The following VPS13B variants were observed in gnomAD, a reference collection of about 807,000 sequenced individuals.
VPS13B encodes vacuolar protein sorting 13 homolog B.
Under a neutral mutation model 426.4 loss-of-function variants are expected in VPS13B, and 285 were observed. That is an observed-to-expected ratio of 0.67 (90% CI 0.61 to 0.74). VPS13B has a LOEUF of 0.74. Among genes scored for constraint, VPS13B ranks in the 30% least tolerant of loss-of-function variants. VPS13B has a pLI of 0.00. For missense variants in VPS13B, 4,537 were observed against 4,782.6 expected (o/e 0.95, Z 1.51); for synonymous variants, 1,676 against 1,676.4 (o/e 1.00, Z 0.01).
At chr8:99,247,105 G>A (rs1343484706) in intron 17 of VPS13B, among the ~76,000 whole-genome samples, 1 of 152,094 alleles carries the variant, frequency 6.6e-6, no homozygotes, top group Non-Finnish European at 1.5e-5. Flanking sequence ...ATTGACTCTA[G>A]TTATTGGCCT....
intron 19 of VPS13B, among the ~76,000 whole-genome samples, chr8:99,328,294 C>T (rs886475575): frequency 6.6e-6 from 1 of 152,106 alleles, no homozygotes; most frequent in African/African-American, 2.4e-5. Context: ...AAAACCTGTC[C>T]CTGGTACCAA....
intron 31 of VPS13B, among the ~76,000 whole-genome samples, chr8:99,572,872 C>T (rs1378304721): frequency 8.5e-5 from 13 of 152,140 alleles, no homozygotes; most frequent in East Asian, 3.8e-4. Context: ...CTTGAGGAAT[C>T]GCCACACTGT....
At chr8:99,738,800 T>A (rs1009389707) in intron 39 of VPS13B, among the ~76,000 whole-genome samples, 3 of 152,216 alleles carry the variant, frequency 2.0e-5, no homozygotes, top group African/African-American at 4.8e-5. Flanking sequence ...TTAGTGCTAG[T>A]GCTATCATCT....
At chr8:99,297,422 A>G (rs1820101370) in intron 19 of VPS13B, among the ~76,000 whole-genome samples, 2 of 152,254 alleles carry the variant, frequency 1.3e-5, no homozygotes, top group South Asian at 2.1e-4. Context: ...CTTGTCAGCT[A>G]TTTTCTTATT....
At chr8:99,579,822 C>T (rs973968868) in intron 33 of VPS13B, among the ~76,000 whole-genome samples, 3 of 151,844 alleles carry the variant, frequency 2.0e-5, no homozygotes, top group Non-Finnish European at 2.9e-5. Flanking sequence ...CTCAGCGTCC[C>T]GGGTTGCTGG....
chr8:99,642,244 G>A lies in VPS13B; in HGVS notation c.5654G>A (p.Gly1885Glu), dbSNP rs755804596. 1.9e-6 allele frequency: 3 copies of A among 1,613,836 alleles called. No homozygotes were observed. Among genetic ancestry groups the A allele is most frequent in the Non-Finnish European group, 2.5e-6 (3 of 1,179,912 alleles). Residue 1885 changes from glycine to glutamate, a missense_variant, in exon 34 of 62, where the codon GGG becomes GAG. Around this residue, in one of 2 missense-constraint regions of VPS13B, gnomAD observed 4,311 missense variants for 4,474.3 expected, o/e 0.96. Transcript: ENST00000357162. ...AGGAGCAGCATTTCTTTTCCTTCAGGGAAAAAAATAGGGGTCCTCTCTCTT... is the reference window on the plus strand; with the variant it reads ...AGGAGCAGCATTTCTTTTCCTTCAGAGAAAAAAATAGGGGTCCTCTCTCTT... The part of the protein sequence containing the change: ...LLRSSISFPS[G>E]KKIGVLSLES...
intron 16 of VPS13B, among the ~76,000 whole-genome samples, chr8:99,188,272 C>T (rs1813335938): frequency 6.6e-6 from 1 of 151,778 alleles, no homozygotes; most frequent in African/African-American, 2.4e-5. Flanking sequence ...TTTTCAAAAC[C>T]TCAAAAAAGA....
chr8:99,262,401 T>C (rs1818089430), intron 17 of VPS13B, among the ~76,000 whole-genome samples: 2 of 152,174 alleles, frequency 1.3e-5, no homozygotes, highest in African/African-American at 2.4e-5. Flanking sequence ...AGTTTCTCTT[T>C]TCAGAGGGAG....
At chr8:99,378,488 A>G (rs1024027063) in intron 19 of VPS13B, among the ~76,000 whole-genome samples, 5 of 152,206 alleles carry the variant, frequency 3.3e-5, no homozygotes, top group Admixed American at 3.3e-4. Flanking sequence ...AGGAAATTGT[A>G]AGTATTGATT....
chr8:99,482,171 A>G (rs1820072051), intron 25 of VPS13B, among the ~76,000 whole-genome samples: 1 of 152,000 alleles, frequency 6.6e-6, no homozygotes. Context: ...GGTGACTATT[A>G]TTATCTAGTC....
chr8:99,799,831 T>C (rs1388858303), intron 43 of VPS13B, among the ~76,000 whole-genome samples: 1 of 152,218 alleles, frequency 6.6e-6, no homozygotes, highest in Non-Finnish European at 1.5e-5. Flanking sequence ...GTTTCTCTAT[T>C]GTTTGTATTT....
At chr8:99,449,877 T>C (rs533501227) in intron 23 of VPS13B, among the ~76,000 whole-genome samples, 1 of 152,216 alleles carries the variant, frequency 6.6e-6, no homozygotes, top group African/African-American at 2.4e-5. Context: ...GCACGCTCAC[T>C]AACTGCAACT....
chr8:99,217,075 T>G (rs1033474666), intron 17 of VPS13B, among the ~76,000 whole-genome samples: 7 of 152,192 alleles, frequency 4.6e-5, no homozygotes, highest in African/African-American at 1.7e-4. Flanking sequence ...CTCTTTTCAT[T>G]ATTTTCTGTT....
intron 21 of VPS13B, among the ~76,000 whole-genome samples, chr8:99,409,845 G>T (rs1485418718): frequency 6.6e-6 from 1 of 152,098 alleles, no homozygotes; most frequent in African/African-American, 2.4e-5. Flanking sequence ...CTCCTAGTTG[G>T]TCTCTATTTT....
chr8:99,242,740 CTTAT>C, intron 17 of VPS13B, among the ~76,000 whole-genome samples: 1 of 152,136 alleles, frequency 6.6e-6, no homozygotes, highest in East Asian at 1.9e-4. Context: ...ATCATAGTTC[CTTAT>C]TTGACTATAT....
intron 7 of VPS13B, among the ~76,000 whole-genome samples, chr8:99,118,691 TTATC>T (rs1398249955): frequency 2.6e-5 from 4 of 152,352 alleles, no homozygotes; most frequent in South Asian, 4.1e-4. Context: ...TGTTTGGTAT[TTATC>T]TATGTTGTTG....
intron 21 of VPS13B, among the ~76,000 whole-genome samples, chr8:99,408,380 T>A (rs1223855659): frequency 6.6e-6 from 1 of 152,092 alleles, no homozygotes; most frequent in East Asian, 1.9e-4. Flanking sequence ...AAATTCAGGA[T>A]CTATTTTAAG....
chr8:99,327,520 A>G (rs191895926), intron 19 of VPS13B, among the ~76,000 whole-genome samples: 157 of 152,274 alleles, frequency 1.0e-3, no homozygotes, highest in African/African-American at 3.6e-3. Flanking sequence ...CACACATAAG[A>G]TATTATACAG....
intron 7 of VPS13B, among the ~76,000 whole-genome samples, chr8:99,116,619 A>T (rs966257510): frequency 6.6e-6 from 1 of 151,510 alleles, no homozygotes; most frequent in Non-Finnish European, 1.5e-5. Context: ...TTTTTTGTAG[A>T]GACAGGGTTT....
Sources: allele counts gnomAD v4.1 joint callset (sites outside exome capture counted in the v4.1 genomes callset), GRCh38; gene constraint gnomAD v4.1.1; regional missense constraint gnomAD v4.1.1; transcripts MANE v1.5; gene names NCBI Gene and HGNC (gene_info 2026-07-23, HGNC 2026-07-21).